The following ZNF534 variants were observed in gnomAD, a reference collection of about 807,000 sequenced individuals.
ZNF534 encodes the protein zinc finger protein 534.
Under a neutral mutation model 13.6 loss-of-function variants are expected in ZNF534, and 19 were observed. The ratio of observed to expected loss-of-function variants is 1.40; its 90% CI spans 0.97 to 2.05. The LOEUF is 2.05. Among genes scored for constraint, ZNF534 ranks in the 30% most tolerant of loss-of-function variants. The pLI is 0.00. For synonymous variants in ZNF534, 244 were observed against 273.8 expected (o/e 0.89, Z 1.07); for missense variants, 782 against 796.3 (o/e 0.98, Z 0.22).
Position 52,439,263 on chromosome 19 carries a change from T to C in ZNF534, c.1803T>C (p.Thr601=). ...SHLARHRKIH[T]GEKLYKCNEC... Reference sequence around the variant, plus strand: ...TTGCGCGACATAGGAAAATTCATACTGGAGAGAAGCTTTACAAATGTAATG... The same window carrying C: ...TTGCGCGACATAGGAAAATTCATACCGGAGAGAAGCTTTACAAATGTAATG... Residue 601 remains threonine, a synonymous_variant, in exon 5 of 5, where the codon ACT becomes ACC. Transcript: ENST00000433050. 1 of 1,569,198 alleles carries C rather than the reference T, an allele frequency of 6.4e-7. No individual in the cohort carries two copies. The highest frequency in any genetic ancestry group is 8.6e-7 in the Non-Finnish European group (1 of 1,156,696).
chr19:52,449,600 GT>G, intron 4 of ZNF534, among the ~76,000 whole-genome samples: 1 of 152,152 alleles, frequency 6.6e-6, no homozygotes, highest in Admixed American at 6.5e-5. Context: ...TCTCACTGTG[GT>G]TTTGATTTGC....
rs747799786 is a variant in ZNF534, at chr19:52,439,469, C to T, written c.*23C>T. ...TAAAAATTTAGTGAAGCTGGCAGGG[C>T]GCAGTGGCTCACGTCTGTAATCCCA... On this transcript the variant is annotated 3_prime_UTR_variant, in exon 5 of 5. Coordinates refer to ENST00000433050, the MANE Select transcript of ZNF534 (RefSeq NM_001143938.3). 66 of 1,495,178 alleles carry T rather than the reference C, an allele frequency of 4.4e-5. No individual in the cohort carries two copies. Among genetic ancestry groups the T allele is most frequent in the Middle Eastern group, 1.7e-4 (1 of 5,716 alleles). The allele number at this position is 1,495,178 out of a possible 1,614,324, so 92.6% of individuals were successfully genotyped here.
Position 52,430,559 on chromosome 19 carries a change from G to GTT in ZNF534, c.-67-841_-67-840dup, listed in dbSNP as rs111837580. ...AGGGTGAGGTCTGTGCTTTTTTTTT[G>GTT]TTTTTTTTTGAGATAGAGTCGCACT... is the stretch of plus-strand genomic sequence containing the variant. On this transcript the variant is annotated intron_variant, in intron 1 of 4. Coordinates refer to ENST00000433050, the MANE Select transcript of ZNF534 (RefSeq NM_001143938.3). Among the ~76,000 whole-genome samples, 60 of 149,012 alleles carry GTT rather than the reference G, an allele frequency of 4.0e-4. 1 individual carries two copies. Among genetic ancestry groups the GTT allele is most frequent in the African/African-American group, 9.7e-4 (39 of 40,320 alleles).
At chr19:52,430,442 C>G (rs999623698) in intron 1 of ZNF534, among the ~76,000 whole-genome samples, 1 of 152,070 alleles carries the variant, frequency 6.6e-6, no homozygotes, top group African/African-American at 2.4e-5. Context: ...TAGTGCACAT[C>G]GATAAAAGGA....
At chr19:52,445,728 CAGTCAT>C (rs2059192434), downstream of ZNF534, among the ~76,000 whole-genome samples, 1 of 12,786 alleles carries the variant, frequency 7.8e-5, no homozygotes, top group Non-Finnish European at 1.8e-4. Context: ...TTTACTCTTG[CAGTCAT>C]TCTGGAGCAA....
At chr19:52,451,931 C>T (rs1224786718) in exon 5 of ZNF534, 13 of 438,008 alleles carry the variant, frequency 3.0e-5, no homozygotes, top group African/African-American at 4.1e-5. Context: ...TTGGCTCTAC[C>T]GGAAAGAATT....
intron 2 of ZNF534, among the ~76,000 whole-genome samples, chr19:52,433,573 G>A (rs143161595): frequency 0.026 from 3,898 of 152,182 alleles, 76 homozygotes; most frequent in Middle Eastern, 0.037. Context: ...TCACCGTGTT[G>A]GCCAAGATGG....
Position 52,440,463 on chromosome 19 carries a change from A to G in ZNF534, c.*1017A>G, listed in dbSNP as rs536515270. Among the ~76,000 whole-genome samples the G allele has an allele frequency of 6.6e-6, 1 of 152,304 alleles. No individual in the cohort carries two copies. Among genetic ancestry groups the G allele is most frequent in the Admixed American group, 6.5e-5 (1 of 15,302 alleles). On this transcript the variant is annotated 3_prime_UTR_variant, in exon 5 of 5. Transcript: ENST00000433050. ...GCAAATATGGCAAAGTCAAAGTCAC[A>G]ATTCACATCTTGCACATCAAATAAT... is the stretch of plus-strand genomic sequence containing the variant.
intron 1 of ZNF534, among the ~76,000 whole-genome samples, chr19:52,430,133 A>G (rs912481826): frequency 6.6e-6 from 1 of 150,868 alleles, no homozygotes; most frequent in African/African-American, 2.4e-5. Context: ...CTCCTGCCTC[A>G]GTCTCCCGAG....
At position 52,438,312 on chromosome 19, in the gene ZNF534, C is replaced by T; in HGVS notation, c.852C>T (p.Tyr284=). The T allele has an allele frequency of 6.2e-7, 1 of 1,606,404 alleles. No homozygotes were observed. Among genetic ancestry groups the T allele is most frequent in the East Asian group, 2.2e-5 (1 of 44,688 alleles). ...ECGKVFSHHA[Y]LAQHRKIHTG... is the part of the protein sequence containing the mutation. Reference sequence around the variant, plus strand: ...GGAAAGTCTTTAGTCACCATGCCTACCTTGCACAGCATAGGAAAATTCATA... The same window carrying T: ...GGAAAGTCTTTAGTCACCATGCCTATCTTGCACAGCATAGGAAAATTCATA... The change falls in exon 5 of 5, where the codon TAC becomes TAT. Residue 284 remains tyrosine, a synonymous_variant. Coordinates refer to ENST00000433050, the MANE Select transcript of ZNF534 (RefSeq NM_001143938.3).
At chr19:52,444,493 G>A (rs1259990345), downstream of ZNF534, among the ~76,000 whole-genome samples, 1 of 152,088 alleles carries the variant, frequency 6.6e-6, no homozygotes, top group East Asian at 1.9e-4. Context: ...GCTAGGAGGT[G>A]GTGCTTTCAA....
At position 52,439,105 on chromosome 19, in the gene ZNF534, C is replaced by T. The variant is rs1403667305; in HGVS notation, c.1645C>T (p.Pro549Ser). 1.3e-6 allele frequency: 2 copies of T among 1,595,404 alleles called. No homozygotes were observed. Among genetic ancestry groups the T allele is most frequent in the Admixed American group, 3.5e-5 (2 of 56,722 alleles). The change falls in exon 5 of 5, where the codon CCT (proline) becomes TCT (serine). Residue 549 changes from proline to serine, a missense_variant. This residue lies in a region of ZNF534 where 591 missense variants were observed against 574.0 expected (regional missense o/e 1.03). Transcript: ENST00000433050. Reference protein sequence around the residue: ...RHRNVHTGEKPYSCNECGKVF... With the variant: ...RHRNVHTGEKSYSCNECGKVF... ...TAGGAATGTTCATACTGGAGAAAAG[C>T]CTTACAGTTGTAATGAATGTGGCAA...
intron 4 of ZNF534, among the ~76,000 whole-genome samples, chr19:52,450,420 A>G (rs912660789): frequency 1.3e-5 from 2 of 152,078 alleles, no homozygotes; most frequent in Admixed American, 6.5e-5. Flanking sequence ...TTTATTGAAG[A>G]CTGTCTTTTT....
At position 52,438,863 on chromosome 19, in the gene ZNF534, G is replaced by C. The variant is rs1201209876; in HGVS notation, c.1403G>C (p.Cys468Ser). Reference protein sequence around the residue: ...RIHTGEKPYKCNECGKVFSQN... With the variant: ...RIHTGEKPYKSNECGKVFSQN... ...CATACTGGAGAGAAGCCTTACAAAT[G>C]TAACGAATGTGGCAAGGTCTTCAGT... The change falls in exon 5 of 5, where the codon TGT (cysteine) becomes TCT (serine). Residue 468 changes from cysteine (C) to serine (S), a missense_variant. Coordinates refer to ENST00000433050, the MANE Select transcript of ZNF534 (RefSeq NM_001143938.3). 1.2e-6 allele frequency: 2 copies of C among 1,611,212 alleles called. No homozygotes were observed. Among genetic ancestry groups the C allele is most frequent in the East Asian group, 4.5e-5 (2 of 44,710 alleles).
intron 2 of ZNF534, among the ~76,000 whole-genome samples, chr19:52,433,181 G>A (rs1328930825): frequency 7.0e-6 from 1 of 142,268 alleles, no homozygotes; most frequent in Non-Finnish European, 1.5e-5. Flanking sequence ...AGAGGTTGCA[G>A]TGGGTGGATA....
rs1197313564 is a variant in ZNF534, at chr19:52,438,560, C to T, written c.1100C>T (p.Ala367Val). The part of the protein sequence containing the change: ...NECGKGFSRI[A>V]FLARHRKVHT... ...TGTGGCAAGGGGTTTAGTCGAATTG[C>T]ATTCCTTGCAAGGCATCGGAAAGTT... The change falls in exon 5 of 5, where the codon GCA (alanine) becomes GTA (valine). Residue 367 changes from alanine (A) to valine (V), a missense_variant. Coordinates refer to ENST00000433050, the MANE Select transcript of ZNF534 (RefSeq NM_001143938.3). The T allele has an allele frequency of 1.9e-6, 3 of 1,579,504 alleles. No homozygotes were observed. Among genetic ancestry groups the T allele is most frequent in the Non-Finnish European group, 2.6e-6 (3 of 1,161,290 alleles).
downstream of ZNF534, among the ~76,000 whole-genome samples, chr19:52,445,083 T>C (rs2059189541): frequency 6.6e-6 from 1 of 152,170 alleles, no homozygotes; most frequent in African/African-American, 2.4e-5. Flanking sequence ...CCCTGTGGCC[T>C]TTTCCCAGTG....
At chr19:52,430,874 G>A (rs2059082827) in intron 1 of ZNF534, among the ~76,000 whole-genome samples, 1 of 135,838 alleles carries the variant, frequency 7.4e-6, no homozygotes, top group African/African-American at 2.8e-5. Context: ...TTTTTAAGAT[G>A]GAGTTTCACC....
At chr19:52,444,853 C>T (rs966770536), downstream of ZNF534, among the ~76,000 whole-genome samples, 15 of 152,134 alleles carry the variant, frequency 9.9e-5, no homozygotes, top group Admixed American at 9.8e-4. Flanking sequence ...CACCGTGCCC[C>T]CATGTCCCAA....
Sources: allele counts gnomAD v4.1 joint callset (sites outside exome capture counted in the v4.1 genomes callset), GRCh38; gene constraint gnomAD v4.1.1; regional missense constraint gnomAD v4.1.1; transcripts MANE v1.5; gene names NCBI Gene and HGNC (gene_info 2026-07-23, HGNC 2026-07-21).